The following CFAP299 variants were observed in gnomAD, a reference collection of about 807,000 sequenced individuals.
The protein encoded by CFAP299 is cilia and flagella associated protein 299, also known as cilia- and flagella-associated protein 299.
In CFAP299, 21 loss-of-function variants were observed where a neutral mutation model predicts 27.0. The ratio of observed to expected loss-of-function variants is 0.78; its 90% confidence interval spans 0.55 to 1.12. The LOEUF (loss-of-function observed/expected upper bound fraction) is 1.12. Ranked by LOEUF, CFAP299 falls within the 50% of genes most tolerant of loss-of-function variation. The probability of loss-of-function intolerance (pLI) is 0.00; values close to 1 mark genes in which losing one functional copy is unlikely to be tolerated. For missense variants in CFAP299, 310 were observed against 276.6 expected, an observed-to-expected ratio of 1.12 and a Z score of -0.86; for synonymous variants, 104 against 98.1, an observed-to-expected ratio of 1.06 and a Z score of -0.36.
intron 2 of CFAP299, among the ~76,000 whole-genome samples, chr4:80,400,143 A>G (rs1199748758): frequency 6.6e-6 from 1 of 152,212 alleles, no homozygotes; most frequent in Non-Finnish European, 1.5e-5. Flanking sequence ...AATTAGATAT[A>G]TAAAGTTTCA....
intron 3 of CFAP299, among the ~76,000 whole-genome samples, chr4:80,679,621 T>C (rs1257594930): frequency 1.3e-5 from 2 of 151,982 alleles, no homozygotes; most frequent in African/African-American, 4.8e-5. Context: ...TACTAATAGG[T>C]GTATAGTGAT....
At position 80,915,286 on chromosome 4, in the gene CFAP299, T is replaced by A. The variant is rs76367413; in HGVS notation, c.477-29524T>A. Among the ~76,000 whole-genome samples, 654 of 152,178 alleles carry A rather than the reference T, an allele frequency of 4.3e-3. 4 individuals carry two copies. Among genetic ancestry groups the A allele is most frequent in the African/African-American group, 0.014 (591 of 41,572 alleles). On this transcript the variant is annotated intron_variant, in intron 4 of 5. Coordinates refer to ENST00000358105, the MANE Select transcript of CFAP299 (RefSeq NM_152770.3). Reference sequence around the variant, plus strand: ...AACTCCAGTTTTACAGGGTTTTTTTTAAAACATTTTAAAGATGTCACTGAA... The same window carrying A: ...AACTCCAGTTTTACAGGGTTTTTTTAAAAACATTTTAAAGATGTCACTGAA...
intron 3 of CFAP299, among the ~76,000 whole-genome samples, chr4:80,812,204 AG>A (rs1729189575): frequency 6.6e-6 from 1 of 152,140 alleles, no homozygotes; most frequent in Non-Finnish European, 1.5e-5. Context: ...AATCACAGCT[AG>A]AATTAACTGC....
chr4:80,607,567 A>G (rs1737744110), intron 3 of CFAP299, among the ~76,000 whole-genome samples: 1 of 152,100 alleles, frequency 6.6e-6, no homozygotes, highest in Non-Finnish European at 1.5e-5. Context: ...AGAATTAGGG[A>G]AAAAATGAAT....
intron 2 of CFAP299, among the ~76,000 whole-genome samples, chr4:80,460,687 A>G (rs114051658): frequency 6.6e-6 from 1 of 152,154 alleles, no homozygotes; most frequent in Non-Finnish European, 1.5e-5. Context: ...AGCTAGTGTT[A>G]TTGTAACCAA....
At chr4:80,501,556 A>T (rs1578522154) in intron 2 of CFAP299, among the ~76,000 whole-genome samples, 1 of 148,330 alleles carries the variant, frequency 6.7e-6, no homozygotes, top group East Asian at 1.9e-4. Context: ...GTTAAGTATA[A>T]ATATATAATT....
chr4:80,788,307 A>T (rs1008964232), intron 3 of CFAP299, among the ~76,000 whole-genome samples: 2 of 151,984 alleles, frequency 1.3e-5, no homozygotes, highest in African/African-American at 4.8e-5. Flanking sequence ...CTGAAAAATA[A>T]AAGTTCATAA....
intron 5 of CFAP299, among the ~76,000 whole-genome samples, chr4:80,962,986 G>T (rs1317685483): frequency 6.6e-6 from 1 of 151,282 alleles, no homozygotes. Flanking sequence ...TTTTAAAAAA[G>T]ATGAAATCCT....
chr4:80,887,469 T>A (rs369398266), intron 4 of CFAP299, among the ~76,000 whole-genome samples: 2 of 151,694 alleles, frequency 1.3e-5, no homozygotes, highest in South Asian at 2.1e-4. Flanking sequence ...CCTTGAAGAG[T>A]ATAGCTGGTG....
At chr4:80,489,726 G>C (rs1323235711) in intron 2 of CFAP299, among the ~76,000 whole-genome samples, 2 of 152,120 alleles carry the variant, frequency 1.3e-5, no homozygotes, top group Admixed American at 1.3e-4. Context: ...TTCTCTGACT[G>C]TTGTACCATA....
chr4:80,485,289 CAA>C (rs1235404631), intron 2 of CFAP299, among the ~76,000 whole-genome samples: 1 of 149,222 alleles, frequency 6.7e-6, no homozygotes, highest in African/African-American at 2.4e-5. Flanking sequence ...ATATATAAAA[CAA>C]ATTGAACTAT....
intron 3 of CFAP299, among the ~76,000 whole-genome samples, chr4:80,710,500 T>TTTTA (rs772343081): frequency 1.8e-5 from 2 of 112,070 alleles, no homozygotes; most frequent in African/African-American, 6.1e-5. Flanking sequence ...TTTTTTTTTT[T>TTTTA]AAAAAAAAAA....
At position 80,881,032 on chromosome 4, in the gene CFAP299, G is replaced by T. The variant is rs1171299233; in HGVS notation, c.476+10897G>T. 5.3e-5 allele frequency among the ~76,000 whole-genome samples: 8 copies of T among 152,280 alleles called. No individual in the cohort carries two copies. In the East Asian group the frequency reaches 1.4e-3, roughly 26 times the overall value. On this transcript the variant is annotated intron_variant, in intron 4 of 5. Transcript: ENST00000358105. Reference sequence around the variant, plus strand: ...AACTAGAAATAAAGGAAAGAGAAGAGAATTCCCTCACAGCCAGCATTGCTA... The same window carrying T: ...AACTAGAAATAAAGGAAAGAGAAGATAATTCCCTCACAGCCAGCATTGCTA...
chr4:80,778,655 A>G (rs1726689978), intron 3 of CFAP299, among the ~76,000 whole-genome samples: 1 of 152,054 alleles, frequency 6.6e-6, no homozygotes, highest in South Asian at 2.1e-4. Flanking sequence ...ATGTAAACCA[A>G]TGCACTGCAA....
rs1045555652 is a variant in CFAP299 at position 80,782,805 on chromosome 4, C to T, written c.334-87188C>T. ...ATATACATATATGTGTGGGTGCACA[C>T]GAGTGTGTAATTACATATATATTCC... is the stretch of plus-strand genomic sequence containing the variant. On this transcript the variant is annotated intron_variant, in intron 3 of 5. Coordinates refer to ENST00000358105, the MANE Select transcript of CFAP299 (RefSeq NM_152770.3). 2.6e-4 allele frequency among the ~76,000 whole-genome samples: 39 copies of T among 148,286 alleles called. No homozygotes were observed. The East Asian group carries it at 3.5e-3, about 13-fold the overall frequency.
chr4:80,558,760 T>G (rs1026720021), intron 2 of CFAP299, among the ~76,000 whole-genome samples: 2 of 151,978 alleles, frequency 1.3e-5, no homozygotes, highest in Non-Finnish European at 2.9e-5. Flanking sequence ...AGATTATATC[T>G]AAAAAGGTAT....
chr4:80,934,009 C>T lies in CFAP299; in HGVS notation c.477-10801C>T, dbSNP rs187023705. ...GTAGGCATCCTTGTCTTGTTCCTAA[C>T]CTTGGAGAAAAAACTTTCGGATTTT... On this transcript the variant is annotated intron_variant, in intron 4 of 5. Coordinates refer to ENST00000358105, the MANE Select transcript of CFAP299 (RefSeq NM_152770.3). Among the ~76,000 whole-genome samples, 618 of 152,114 alleles carry T rather than the reference C, an allele frequency of 4.1e-3. 1 individual carries two copies. Among genetic ancestry groups the T allele is most frequent in the Middle Eastern group, 0.014 (4 of 294 alleles).
At chr4:80,402,351 G>A (rs1312578454) in intron 2 of CFAP299, among the ~76,000 whole-genome samples, 1 of 152,148 alleles carries the variant, frequency 6.6e-6, no homozygotes, top group African/African-American at 2.4e-5. Flanking sequence ...CGTGTTGTGG[G>A]AAGAACCCAG....
At chr4:80,700,620 A>G (rs531803648) in intron 3 of CFAP299, among the ~76,000 whole-genome samples, 39 of 152,144 alleles carry the variant, frequency 2.6e-4, no homozygotes, top group African/African-American at 9.4e-4. Context: ...ATTGCCTTCT[A>G]AAAGGCTGGG....
Sources: gnomAD v4.1 joint callset for allele counts (sites outside exome capture counted in the v4.1 genomes callset) on GRCh38, gnomAD v4.1.1 for gene constraint, MANE v1.5 for transcripts, NCBI Gene and HGNC (gene_info 2026-07-23, HGNC 2026-07-21) for gene names.